Variants in EPHA3 observed in about 807,000 individuals in gnomAD.
EPHA3 encodes EPH receptor A3.
In EPHA3, 42 loss-of-function variants were observed where a neutral mutation model predicts 107.1. The observed-to-expected ratio is 0.39, with a 90% CI of 0.31 to 0.51. The LOEUF is 0.51. Among genes scored for constraint, EPHA3 ranks in the 20% least tolerant of loss-of-function variants. The pLI, the probability that EPHA3 is intolerant of heterozygous loss-of-function variation, is 0.78. For synonymous variants in EPHA3, 461 were observed against 424.8 expected, an observed-to-expected ratio of 1.09 and a Z score of -1.05; for missense variants, 1,183 against 1,211.2, an observed-to-expected ratio of 0.98 and a Z score of 0.35.
At chr3:89,362,515 CT>C (rs546109331) in intron 5 of EPHA3, among the ~76,000 whole-genome samples, 2 of 151,118 alleles carry the variant, frequency 1.3e-5, no homozygotes, top group African/African-American at 4.8e-5. Context: ...ACAGCCTACA[CT>C]TTTTTTAGTC....
intron 6 of EPHA3, among the ~76,000 whole-genome samples, chr3:89,397,134 T>C (rs1382424176): frequency 3.3e-5 from 5 of 152,236 alleles, no homozygotes; most frequent in Non-Finnish European, 2.9e-5. Flanking sequence ...TTGCTTGAAG[T>C]TAATATATTT....
intron 16 of EPHA3, among the ~76,000 whole-genome samples, chr3:89,478,633 A>G (rs1576399923): frequency 6.6e-6 from 1 of 152,158 alleles, no homozygotes; most frequent in African/African-American, 2.4e-5. Flanking sequence ...TAGAGCCCCC[A>G]GAGAGGATAT....
intron 3 of EPHA3, among the ~76,000 whole-genome samples, chr3:89,270,154 A>T (rs1705633652): frequency 6.6e-6 from 1 of 152,080 alleles, no homozygotes; most frequent in African/African-American, 2.4e-5. Flanking sequence ...TTATTATATA[A>T]AAGATTCATT....
chr3:89,152,802 T>C (rs1473757618), intron 2 of EPHA3, among the ~76,000 whole-genome samples: 1 of 152,092 alleles, frequency 6.6e-6, no homozygotes, highest in Non-Finnish European at 1.5e-5. Context: ...CGAAGAAATG[T>C]AGGCATTATA....
intron 1 of EPHA3, among the ~76,000 whole-genome samples, chr3:89,116,591 A>G (rs1463389112): frequency 6.6e-6 from 1 of 152,078 alleles, no homozygotes; most frequent in Non-Finnish European, 1.5e-5. Context: ...ATTTTAGCAC[A>G]TATGTTTTGC....
At chr3:89,456,635 G>A (rs541236132) in intron 15 of EPHA3, among the ~76,000 whole-genome samples, 15 of 152,262 alleles carry the variant, frequency 9.9e-5, no homozygotes, top group Middle Eastern at 3.4e-3. Context: ...ATCGTCACTG[G>A]AAGTGGGGAA....
At chr3:89,306,843 T>C (rs1351031591) in intron 3 of EPHA3, among the ~76,000 whole-genome samples, 2 of 152,198 alleles carry the variant, frequency 1.3e-5, no homozygotes, top group African/African-American at 4.8e-5. Context: ...TTGCCAACTA[T>C]GAAGTTGGTC....
intron 5 of EPHA3, among the ~76,000 whole-genome samples, chr3:89,357,810 AT>A (rs563561483): frequency 5.3e-5 from 8 of 151,394 alleles, no homozygotes; most frequent in African/African-American, 1.9e-4. Context: ...TTGAATTGAT[AT>A]AGTAAAAAAC....
intron 10 of EPHA3, among the ~76,000 whole-genome samples, chr3:89,415,810 A>T (rs1003756566): frequency 9.3e-5 from 14 of 151,322 alleles, no homozygotes; most frequent in African/African-American, 3.4e-4. Flanking sequence ...TCCTTTTTAG[A>T]TAGGTATTAT....
At chr3:89,142,672 C>A (rs1215750280) in intron 2 of EPHA3, among the ~76,000 whole-genome samples, 1 of 150,788 alleles carries the variant, frequency 6.6e-6, no homozygotes, top group Non-Finnish European at 1.5e-5. Context: ...AATAGGATAT[C>A]TCTCATCAAA....
intron 11 of EPHA3, among the ~76,000 whole-genome samples, chr3:89,427,153 C>A (rs148726765): frequency 6.6e-6 from 1 of 151,632 alleles, no homozygotes; most frequent in Admixed American, 6.6e-5. Flanking sequence ...AGTGTCTTAA[C>A]GGAAAATAGA....
At chr3:89,286,936 C>T (rs1304988482) in intron 3 of EPHA3, among the ~76,000 whole-genome samples, 3 of 152,104 alleles carry the variant, frequency 2.0e-5, no homozygotes, top group Non-Finnish European at 1.5e-5. Context: ...CTTATTTCTA[C>T]CTGAAAATAC....
At chr3:89,381,396 A>G (rs961823286) in intron 5 of EPHA3, among the ~76,000 whole-genome samples, 3 of 151,014 alleles carry the variant, frequency 2.0e-5, no homozygotes, top group African/African-American at 7.3e-5. Flanking sequence ...TCAGCGTGGT[A>G]TGATGGCTCA....
At position 89,460,424 on chromosome 3, in the gene EPHA3, G is replaced by C. The variant is rs143732498; in HGVS notation, c.2690+10054G>C. Among the ~76,000 whole-genome samples, 458 of 152,012 alleles carry C rather than the reference G, an allele frequency of 3.0e-3. 1 individual carries two copies. The highest frequency in any genetic ancestry group is 6.8e-3 in the Middle Eastern group (2 of 292). ...GGTTCTGCAGACCCAATTATATTTA[G>C]TTAATTTAATTGAAATGTTTTTAAA... On this transcript the variant is annotated intron_variant, in intron 15 of 16. Coordinates refer to ENST00000336596, the MANE Select transcript of EPHA3 (RefSeq NM_005233.6).
chr3:89,476,585 TTTTATTTA>T (rs60237041), intron 16 of EPHA3, among the ~76,000 whole-genome samples: 2,603 of 129,044 alleles, frequency 0.02, 85 homozygotes, highest in African/African-American at 0.067. Context: ...CTATTATTAT[TTTTATTTA>T]TTTATTTATT....
chr3:89,383,745 T>C (rs1393173301), intron 5 of EPHA3, among the ~76,000 whole-genome samples: 2 of 145,628 alleles, frequency 1.4e-5, no homozygotes, highest in East Asian at 2.1e-4. Context: ...ACCTCCCGGG[T>C]TCACGTCATT....
chr3:89,251,679 C>A (rs1256860431), intron 3 of EPHA3, among the ~76,000 whole-genome samples: 2 of 151,928 alleles, frequency 1.3e-5, no homozygotes, highest in African/African-American at 4.8e-5. Context: ...AAGTGCAATT[C>A]ACAATAATAT....
At chr3:89,174,268 G>A (rs568721911) in intron 2 of EPHA3, among the ~76,000 whole-genome samples, 1 of 152,058 alleles carries the variant, frequency 6.6e-6, no homozygotes, top group South Asian at 2.1e-4. Context: ...TCATGTATTT[G>A]CATAGTAATA....
At chr3:89,459,791 G>A (rs1296124948) in intron 15 of EPHA3, among the ~76,000 whole-genome samples, 1 of 152,120 alleles carries the variant, frequency 6.6e-6, no homozygotes, top group Admixed American at 6.6e-5. Context: ...TCAAATTGCT[G>A]AGAATTCAGG....
Sources: allele counts gnomAD v4.1 joint callset (sites outside exome capture counted in the v4.1 genomes callset), GRCh38; gene constraint gnomAD v4.1.1; transcripts MANE v1.5; gene names NCBI Gene and HGNC (gene_info 2026-07-23, HGNC 2026-07-21).